The following BACE2 variants were observed in gnomAD, a reference collection of about 807,000 sequenced individuals.
BACE2 encodes the protein 56 kDa aspartic-like protease.
Under a neutral mutation model 46.2 loss-of-function variants are expected in BACE2, and 17 were observed. The ratio of observed to expected loss-of-function variants is 0.37; its 90% CI spans 0.25 to 0.55. The LOEUF (loss-of-function observed/expected upper bound fraction) is 0.55, where lower values mean the gene tolerates loss of function less well. Among genes scored for constraint, BACE2 ranks in the 20% least tolerant of loss-of-function variants. BACE2 has a pLI of 0.82. For missense variants in BACE2, 595 were observed against 698.1 expected, an observed-to-expected ratio of 0.85 and a Z score of 1.66; for synonymous variants, 277 against 295.9, an observed-to-expected ratio of 0.94 and a Z score of 0.66.
At chr21:41,271,116 C>A (rs1023005751) in intron 8 of BACE2, among the ~76,000 whole-genome samples, 6 of 152,100 alleles carry the variant, frequency 3.9e-5, no homozygotes, top group African/African-American at 1.5e-4. Flanking sequence ...TATAGCCACT[C>A]TGGATTTCTT....
Position 41,193,556 on chromosome 21 carries a change from T to G in BACE2, c.312+24981T>G, listed in dbSNP as rs1985645701. ...CAATCCCTTCAGGGATGTGATACTG[T>G]TTTTGATTTACTATTTTTCTAGGTA... On this transcript the variant is annotated intron_variant, in intron 1 of 8. Coordinates refer to ENST00000330333, the MANE Select transcript of BACE2 (RefSeq NM_012105.5). The surrounding 1 kb of genome is among the most constrained non-coding windows in gnomAD (Gnocchi z 4.2). 6.6e-6 allele frequency among the ~76,000 whole-genome samples: 1 copy of G among 152,206 alleles called. No homozygotes were observed. Among genetic ancestry groups the G allele is most frequent in the Admixed American group, 6.5e-5 (1 of 15,284 alleles).
rs148888283 is a variant in BACE2 at position 41,225,090 on chromosome 21, C to T, written c.313-1176C>T. On this transcript the variant is annotated intron_variant, in intron 1 of 8. Coordinates refer to ENST00000330333, the MANE Select transcript of BACE2 (RefSeq NM_012105.5). ...TCTACTAAAATTACAAAAAACTATC[C>T]GGGCTCGGTGGCGGGCACCTGTAGT... is the stretch of plus-strand genomic sequence containing the variant. Among the ~76,000 whole-genome samples the T allele has an allele frequency of 8.1e-3, 1,226 of 152,120 alleles. 13 individuals are homozygous for T. Among genetic ancestry groups the T allele is most frequent in the African/African-American group, 0.029 (1,185 of 41,492 alleles).
At chr21:41,227,029 G>A (rs1013698540) in intron 2 of BACE2, among the ~76,000 whole-genome samples, 1 of 152,204 alleles carries the variant, frequency 6.6e-6, no homozygotes, top group African/African-American at 2.4e-5. Flanking sequence ...CCTGGGTGGG[G>A]TTGTGGGGAG....
rs150387265 is a variant in BACE2 at position 41,235,854 on chromosome 21, A to AAATGAATG, written c.402-1640_402-1633dup. Among the ~76,000 whole-genome samples, 835 of 151,664 alleles carry AAATGAATG rather than the reference A, an allele frequency of 5.5e-3. 3 individuals carry two copies. The highest frequency in any genetic ancestry group is 7.8e-3 in the Non-Finnish European group (533 of 67,942). On this transcript the variant is annotated intron_variant, in intron 2 of 8. Coordinates refer to ENST00000330333, the MANE Select transcript of BACE2 (RefSeq NM_012105.5). ...AGACCTTTTCTTTAAAAGAAATAAT[A>AAATGAATG]AATGAATGAATGAATGAATGAATGA...
chr21:41,230,178 C>T (rs1986932867), intron 2 of BACE2: 1 of 152,222 alleles, frequency 6.6e-6, no homozygotes, highest in African/African-American at 2.4e-5. Context: ...TGTAAGGTTT[C>T]TTCTTGGCTG....
intron 1 of BACE2, chr21:41,182,955 T>C (rs901188156): frequency 1.2e-5 from 2 of 166,502 alleles, no homozygotes; most frequent in African/African-American, 4.8e-5. Context: ...AACCTCCCAT[T>C]TAGTAACTTC....
intron 1 of BACE2, among the ~76,000 whole-genome samples, chr21:41,210,206 C>T (rs183311379): frequency 4.0e-5 from 6 of 150,882 alleles, no homozygotes; most frequent in African/African-American, 1.5e-4. Flanking sequence ...AAAGTAAGCT[C>T]CTAAGCCCCC....
intron 3 of BACE2, among the ~76,000 whole-genome samples, chr21:41,240,441 G>A (rs1257623214): frequency 2.0e-5 from 3 of 152,220 alleles, no homozygotes; most frequent in African/African-American, 4.8e-5. Flanking sequence ...CGCTGTGTGC[G>A]TGTGCCAGGT....
chr21:41,238,932 A>T (rs964814354), intron 3 of BACE2, among the ~76,000 whole-genome samples: 4 of 138,920 alleles, frequency 2.9e-5, no homozygotes, highest in African/African-American at 1.1e-4. Flanking sequence ...GTGCACATGT[A>T]CCCTAAAACT....
At chr21:41,173,314 G>A (rs4818215) in intron 1 of BACE2, among the ~76,000 whole-genome samples, 3 of 152,174 alleles carry the variant, frequency 2.0e-5, no homozygotes, top group African/African-American at 7.2e-5. Context: ...GACGATTTTA[G>A]TGCTGTATTG....
chr21:41,240,962 A>G (rs368960052), intron 3 of BACE2, among the ~76,000 whole-genome samples: 17 of 152,136 alleles, frequency 1.1e-4, no homozygotes, highest in African/African-American at 3.9e-4. Context: ...CGTCTGTGCT[A>G]CTATAGTTAA....
At chr21:41,208,475 G>C (rs1047218523) in intron 1 of BACE2, among the ~76,000 whole-genome samples, 8 of 152,218 alleles carry the variant, frequency 5.3e-5, no homozygotes, top group African/African-American at 1.9e-4. Flanking sequence ...GAGGACTTCA[G>C]AGGTACCCAG....
At position 41,243,609 on chromosome 21, in the gene BACE2, C is replaced by A; in HGVS notation, c.882+99C>A. The A allele has an allele frequency of 2.4e-6, 3 of 1,269,940 alleles. No homozygotes were observed. The South Asian group carries it at 6.0e-5, about 25-fold the overall frequency. The allele number at this position is 1,269,940 out of a possible 1,614,324, so 78.7% of individuals were successfully genotyped here. A position where few individuals can be genotyped will look rare whatever the true frequency, so the allele number is the denominator to read the frequency against. Reference sequence around the variant, plus strand: ...TAGATGCCAATAGAAGGTACATTACCTCGTAAGATAAAGGCTCATTACATG... The same window carrying A: ...TAGATGCCAATAGAAGGTACATTACATCGTAAGATAAAGGCTCATTACATG... On this transcript the variant is annotated intron_variant, in intron 5 of 8. Transcript: ENST00000330333.
In BACE2 at chr21:41,168,166, G is replaced by A; in HGVS notation, c.-98G>A. ...CCGGTCCCGGTGCGCGCCCATCCCT[G>A]CCCGCAGCCCCGCGCGCCGGCCGAG... On this transcript the variant is annotated 5_prime_UTR_variant, in exon 1 of 9. Coordinates refer to ENST00000330333, the MANE Select transcript of BACE2 (RefSeq NM_012105.5). 1 of 680,742 alleles carries A rather than the reference G, an allele frequency of 1.5e-6. No individual in the cohort carries two copies. Among genetic ancestry groups the A allele is most frequent in the East Asian group, 1.1e-4 (1 of 8,700 alleles). The allele number at this position is 680,742 out of a possible 1,614,324, so 42.2% of individuals were successfully genotyped here.
chr21:41,205,691 A>C (rs1036157292), intron 1 of BACE2, among the ~76,000 whole-genome samples: 3 of 152,300 alleles, frequency 2.0e-5, no homozygotes, highest in Admixed American at 2.0e-4. Flanking sequence ...GAGAAATGAA[A>C]TTTTGAGTGG....
chr21:41,230,537 T>G (rs1218672617), intron 2 of BACE2, among the ~76,000 whole-genome samples: 1 of 152,262 alleles, frequency 6.6e-6, no homozygotes, highest in East Asian at 1.9e-4. Flanking sequence ...TGCAGCTCTC[T>G]GCCCTGTGAT....
intron 2 of BACE2, among the ~76,000 whole-genome samples, chr21:41,237,007 G>T (rs914559725): frequency 6.6e-6 from 1 of 152,196 alleles, no homozygotes; most frequent in Non-Finnish European, 1.5e-5. Flanking sequence ...TTATGTTTTT[G>T]GGGGAAGCTG....
At chr21:41,217,754 C>T (rs1986517590) in intron 1 of BACE2, among the ~76,000 whole-genome samples, 1 of 152,230 alleles carries the variant, frequency 6.6e-6, no homozygotes, top group South Asian at 2.1e-4. Flanking sequence ...GAAGGTGTCA[C>T]AGAGCCAGCT....
intron 7 of BACE2, among the ~76,000 whole-genome samples, chr21:41,253,618 G>T (rs1007029103): frequency 6.6e-6 from 1 of 152,118 alleles, no homozygotes; most frequent in African/African-American, 2.4e-5. Flanking sequence ...GAAGCAGGAG[G>T]AGAAGGCAGG....
Sources: allele counts gnomAD v4.1 joint callset (sites outside exome capture counted in the v4.1 genomes callset), GRCh38; gene constraint gnomAD v4.1.1; non-coding constraint Gnocchi (gnomAD v3.1); transcripts MANE v1.5; gene names NCBI Gene and HGNC (gene_info 2026-07-23, HGNC 2026-07-21).